The following RIMBP2 variants were observed in gnomAD, a reference collection of about 807,000 sequenced individuals.
RIMBP2 encodes the protein RIMS binding protein 2.
RIMBP2 carries 48 observed loss-of-function variants against 118.6 expected under a neutral mutation model. The ratio of observed to expected loss-of-function variants is 0.40; its 90% CI spans 0.32 to 0.51. The LOEUF (loss-of-function observed/expected upper bound fraction) is 0.51, where lower values mean the gene tolerates loss of function less well. RIMBP2 is among the 20% of genes least tolerant of loss of function. RIMBP2 has a pLI of 0.41. For synonymous variants in RIMBP2, 762 were observed against 742.9 expected (o/e 1.03, Z -0.42); for missense variants, 1,551 against 1,768.3 (o/e 0.88, Z 2.20).
intron 4 of RIMBP2, among the ~76,000 whole-genome samples, chr12:130,485,578 G>A (rs2138292386): frequency 6.6e-6 from 1 of 152,350 alleles, no homozygotes; most frequent in East Asian, 1.9e-4. Flanking sequence ...CTTAATTCTG[G>A]CTAATTTTGT....
At chr12:130,436,500 T>C (rs547800119) in intron 13 of RIMBP2, among the ~76,000 whole-genome samples, 2 of 152,216 alleles carry the variant, frequency 1.3e-5, no homozygotes, top group African/African-American at 2.4e-5. Context: ...AAGAGCCTGG[T>C]TCAGGAAAGT....
intron 1 of RIMBP2, among the ~76,000 whole-genome samples, chr12:130,706,755 T>C (rs2066141674): frequency 6.6e-6 from 1 of 152,148 alleles, no homozygotes; most frequent in South Asian, 2.1e-4. Flanking sequence ...ACGGTGAGGA[T>C]TCAATGAGGC....
chr12:130,517,518 C>T (rs1329461901), intron 3 of RIMBP2, among the ~76,000 whole-genome samples: 77 of 152,122 alleles, frequency 5.1e-4, no homozygotes, highest in Admixed American at 5.0e-3. Context: ...CCAGGAGTGG[C>T]CACACCATTC....
At chr12:130,573,367 C>T (rs1415709609) in intron 2 of RIMBP2, among the ~76,000 whole-genome samples, 1 of 150,350 alleles carries the variant, frequency 6.7e-6, no homozygotes, top group African/African-American at 2.4e-5. Context: ...TAGTATGATA[C>T]TTTTAAAGAC....
At chr12:130,563,157 T>C (rs2056947865) in intron 2 of RIMBP2, among the ~76,000 whole-genome samples, 1 of 152,226 alleles carries the variant, frequency 6.6e-6, no homozygotes, top group African/African-American at 2.4e-5. Flanking sequence ...CTTAAAATCT[T>C]AAGTGCAAGT....
rs2058215658 is a variant in RIMBP2, at chr12:130,578,147, C to G, written c.-217+50175G>C. Among the ~76,000 whole-genome samples the G allele has an allele frequency of 6.6e-6, 1 of 152,168 alleles. No individual in the cohort carries two copies. The highest frequency in any genetic ancestry group is 2.1e-4 in the South Asian group (1 of 4,826). ...AATTATTCACAGGATTCAGAGATTC[C>G]AGGAAAGTAAAGGTAGTGCAGGCTT... is the stretch of plus-strand genomic sequence containing the variant. On this transcript the variant is annotated intron_variant, in intron 2 of 22. Coordinates refer to ENST00000690449, the MANE Select transcript of RIMBP2 (RefSeq NM_001393629.1). The surrounding 1 kb of genome is among the most constrained non-coding windows in gnomAD (Gnocchi z 4.1).
chr12:130,575,583 T>C (rs1188100985), intron 2 of RIMBP2, among the ~76,000 whole-genome samples: 1 of 152,232 alleles, frequency 6.6e-6, no homozygotes, highest in Non-Finnish European at 1.5e-5. Flanking sequence ...CGGGCCCTGT[T>C]CTAGGCACTG....
At chr12:130,514,165 G>A (rs1395802174) in intron 3 of RIMBP2, among the ~76,000 whole-genome samples, 1 of 152,242 alleles carries the variant, frequency 6.6e-6, no homozygotes, top group Non-Finnish European at 1.5e-5. Flanking sequence ...GATCTGGGGT[G>A]CCCCTGCTGC....
At chr12:130,673,530 C>T (rs1029758737) in intron 1 of RIMBP2, among the ~76,000 whole-genome samples, 2 of 152,306 alleles carry the variant, frequency 1.3e-5, no homozygotes, top group South Asian at 2.1e-4. Flanking sequence ...CAGAGGCCCA[C>T]GGAGCTTTGG....
At chr12:130,698,258 G>A (rs933162059) in intron 1 of RIMBP2, among the ~76,000 whole-genome samples, 2 of 152,278 alleles carry the variant, frequency 1.3e-5, no homozygotes, top group Admixed American at 6.5e-5. Context: ...TTTGGGTCTC[G>A]TTACAGCCAC....
chr12:130,633,727 T>C (rs113463118), intron 1 of RIMBP2: 5 of 152,154 alleles, frequency 3.3e-5, no homozygotes, highest in African/African-American at 4.8e-5. Flanking sequence ...TAGAAAGAGA[T>C]TGATTTCCCG....
intron 2 of RIMBP2, among the ~76,000 whole-genome samples, chr12:130,533,588 A>T (rs567085994): frequency 1.4e-4 from 21 of 152,358 alleles, no homozygotes; most frequent in African/African-American, 5.0e-4. Flanking sequence ...AAATCATTGT[A>T]TCAAAAAGAC....
At position 130,475,581 on chromosome 12, in the gene RIMBP2, C is replaced by T. The variant is rs2081359438; in HGVS notation, c.102+3331G>A. 6.6e-6 allele frequency among the ~76,000 whole-genome samples: 1 copy of T among 151,968 alleles called. No individual in the cohort carries two copies. Among genetic ancestry groups the T allele is most frequent in the Non-Finnish European group, 1.5e-5 (1 of 68,022 alleles). ...ACGGTGGGGAGGGGCATTTCCAGGACCTGGACTGAAGGAAGAGGCCAGGGG... is the reference window on the plus strand; with the variant it reads ...ACGGTGGGGAGGGGCATTTCCAGGATCTGGACTGAAGGAAGAGGCCAGGGG... On this transcript the variant is annotated intron_variant, in intron 5 of 22. Transcript: ENST00000690449. This position sits in a 1 kb window ranked among gnomAD's most constrained non-coding sequence, Gnocchi z 4.1.
At chr12:130,659,505 G>A (rs1031900850) in intron 1 of RIMBP2, among the ~76,000 whole-genome samples, 2 of 151,282 alleles carry the variant, frequency 1.3e-5, no homozygotes, top group Non-Finnish European at 2.9e-5. Flanking sequence ...GGAGGCGTAT[G>A]TTGCAGTGAG....
chr12:130,665,564 C>T (rs1204968880), intron 1 of RIMBP2, among the ~76,000 whole-genome samples: 1 of 151,520 alleles, frequency 6.6e-6, no homozygotes, highest in Non-Finnish European at 1.5e-5. Flanking sequence ...CAAAAACACC[C>T]AAATCTAATT....
intron 2 of RIMBP2, among the ~76,000 whole-genome samples, chr12:130,609,801 G>A (rs1037499205): frequency 1.3e-5 from 2 of 152,120 alleles, no homozygotes; most frequent in African/African-American, 4.8e-5. Context: ...GGGACTGGTT[G>A]AGGCCCAGAG....
intron 3 of RIMBP2, among the ~76,000 whole-genome samples, chr12:130,507,665 G>T (rs571309811): frequency 6.6e-6 from 1 of 152,268 alleles, no homozygotes; most frequent in Middle Eastern, 3.4e-3. Context: ...TCTCCTCTTC[G>T]AAACAAGTAA....
At chr12:130,714,820 C>A in intron 1 of RIMBP2, among the ~76,000 whole-genome samples, 1 of 152,192 alleles carries the variant, frequency 6.6e-6, no homozygotes, top group East Asian at 1.9e-4. Context: ...ACAGGACAAG[C>A]CAAGACCCCA....
chr12:130,716,171 G>A (rs1488577149), intron 1 of RIMBP2, 51 bp downstream of exon 1: 2 of 152,280 alleles, frequency 1.3e-5, no homozygotes, highest in East Asian at 1.9e-4. Flanking sequence ...GCAGAAAGGC[G>A]AGGGGAGACG....
Sources: gnomAD v4.1 joint callset for allele counts (sites outside exome capture counted in the v4.1 genomes callset) on GRCh38, gnomAD v4.1.1 for gene constraint, Gnocchi (gnomAD v3.1) non-coding constraint, MANE v1.5 for transcripts, NCBI Gene and HGNC (gene_info 2026-07-23, HGNC 2026-07-21) for gene names.